The following XKR4 variants were observed in gnomAD, a reference collection of about 807,000 sequenced individuals.
The protein encoded by XKR4 is XK-related protein 4.
A neutral mutation model predicts 53.9 loss-of-function variants in XKR4; 12 were observed. The ratio of observed to expected loss-of-function variants is 0.22; its 90% CI spans 0.14 to 0.36. The LOEUF (loss-of-function observed/expected upper bound fraction) is 0.36. Ranked by LOEUF, XKR4 falls within the 10% of genes least tolerant of loss-of-function variation. The pLI, the probability that XKR4 is intolerant of heterozygous loss-of-function variation, is 1.00. For synonymous variants in XKR4, 354 were observed against 362.4 expected, an observed-to-expected ratio of 0.98 and a Z score of 0.26; for missense variants, 799 against 859.5, an observed-to-expected ratio of 0.93 and a Z score of 0.88.
At chr8:55,178,369 C>T (rs921215551) in intron 1 of XKR4, among the ~76,000 whole-genome samples, 1 of 152,074 alleles carries the variant, frequency 6.6e-6, no homozygotes, top group African/African-American at 2.4e-5. Flanking sequence ...AGACTCTCCC[C>T]GTCTGTAAAA....
chr8:55,272,897 G>A (rs753575418), intron 1 of XKR4: 6 of 454,198 alleles, frequency 1.3e-5, no homozygotes, highest in Non-Finnish European at 2.2e-5. Context: ...AATTATTCAT[G>A]TCTGGAGATA....
chr8:55,349,916 T>C (rs1032799351), intron 1 of XKR4, among the ~76,000 whole-genome samples: 1 of 152,228 alleles, frequency 6.6e-6, no homozygotes, highest in Non-Finnish European at 1.5e-5. Flanking sequence ...GCATTGTTTA[T>C]GAATTTCAAA....
At chr8:55,277,370 A>T (rs1818778677) in intron 1 of XKR4, among the ~76,000 whole-genome samples, 2 of 152,348 alleles carry the variant, frequency 1.3e-5, no homozygotes, top group South Asian at 4.1e-4. Flanking sequence ...ATACACATAC[A>T]AGTTGAGTAT....
Position 55,483,812 on chromosome 8 carries a change from G to A in XKR4, c.1007-39469G>A, listed in dbSNP as rs180766835. On this transcript the variant is annotated intron_variant, in intron 2 of 2. Transcript: ENST00000327381. Reference sequence around the variant, plus strand: ...ACAGCAAAATTAATGCAAAACAGGAGGGAGGAAAATAATAAAGGTAAGAGA... The same window carrying A: ...ACAGCAAAATTAATGCAAAACAGGAAGGAGGAAAATAATAAAGGTAAGAGA... Among the ~76,000 whole-genome samples, 404 of 151,582 alleles carry A rather than the reference G, an allele frequency of 2.7e-3. 2 individuals carry two copies. The highest frequency in any genetic ancestry group is 4.5e-3 in the Non-Finnish European group (307 of 67,856).
intron 1 of XKR4, among the ~76,000 whole-genome samples, chr8:55,120,841 G>A (rs565999302): frequency 2.6e-5 from 4 of 152,234 alleles, no homozygotes; most frequent in East Asian, 1.9e-4. Flanking sequence ...TTCATTGTCC[G>A]AAACCTTCCT....
chr8:55,153,204 C>T (rs6992437), intron 1 of XKR4, among the ~76,000 whole-genome samples: 50,144 of 151,990 alleles, frequency 0.33, 9,094 homozygotes, highest in African/African-American at 0.5. Flanking sequence ...TAAAATTGGA[C>T]GAGTTGTTTG....
intron 1 of XKR4, among the ~76,000 whole-genome samples, chr8:55,301,384 C>T (rs1819193837): frequency 6.6e-6 from 1 of 151,872 alleles, no homozygotes; most frequent in African/African-American, 2.4e-5. Context: ...TTTTCTTAAT[C>T]CAGTATATCG....
intron 2 of XKR4, among the ~76,000 whole-genome samples, chr8:55,514,948 T>G (rs191546481): frequency 6.6e-6 from 1 of 152,308 alleles, no homozygotes; most frequent in East Asian, 1.9e-4. Flanking sequence ...CTTGAGAAAT[T>G]TTAATAAAAA....
At chr8:55,111,723 C>T (rs1816234877) in intron 1 of XKR4, among the ~76,000 whole-genome samples, 1 of 152,114 alleles carries the variant, frequency 6.6e-6, no homozygotes, top group African/African-American at 2.4e-5. Flanking sequence ...ATCTAGATTT[C>T]ATGTGGTGAG....
intron 1 of XKR4, among the ~76,000 whole-genome samples, chr8:55,252,689 G>T (rs1215200636): frequency 6.6e-6 from 1 of 152,212 alleles, no homozygotes; most frequent in South Asian, 2.1e-4. Context: ...ATATGTAAAT[G>T]AGGACATGCA....
chr8:55,259,052 A>G (rs1818477527), intron 1 of XKR4, among the ~76,000 whole-genome samples: 1 of 152,234 alleles, frequency 6.6e-6, no homozygotes, highest in Non-Finnish European at 1.5e-5. Flanking sequence ...CCCTGCCTGC[A>G]GGGAAAATGC....
intron 1 of XKR4, chr8:55,142,261 G>A: frequency 2.2e-6 from 1 of 448,572 alleles, no homozygotes; most frequent in Non-Finnish European, 4.5e-6. Flanking sequence ...CCTCGTAGGA[G>A]AAGTTGCCAT....
At chr8:55,139,742 T>C (rs1443110717) in intron 1 of XKR4, among the ~76,000 whole-genome samples, 1 of 152,074 alleles carries the variant, frequency 6.6e-6, no homozygotes, top group Non-Finnish European at 1.5e-5. Flanking sequence ...AATTCCTCAT[T>C]TGCAAAATGG....
intron 2 of XKR4, among the ~76,000 whole-genome samples, chr8:55,384,027 T>C (rs1252341916): frequency 6.6e-6 from 1 of 152,232 alleles, no homozygotes; most frequent in Non-Finnish European, 1.5e-5. Flanking sequence ...AGTCTCCCTT[T>C]TGAGTTGTCC....
intron 1 of XKR4, among the ~76,000 whole-genome samples, chr8:55,128,023 T>C (rs1816497607): frequency 6.6e-6 from 1 of 152,170 alleles, no homozygotes; most frequent in African/African-American, 2.4e-5. Flanking sequence ...CTATTGTGAA[T>C]AGTCTCGCAA....
At chr8:55,343,250 T>A (rs1012522762) in intron 1 of XKR4, among the ~76,000 whole-genome samples, 11 of 152,138 alleles carry the variant, frequency 7.2e-5, no homozygotes, top group Non-Finnish European at 5.9e-5. Context: ...CTAAAAACAG[T>A]TGAGAGCAAA....
intron 1 of XKR4, among the ~76,000 whole-genome samples, chr8:55,151,674 T>C (rs1374494390): frequency 6.6e-6 from 1 of 152,192 alleles, no homozygotes; most frequent in Non-Finnish European, 1.5e-5. Flanking sequence ...AAATGTTAAA[T>C]TGCTGTATGC....
At chr8:55,312,907 G>A (rs1819408232) in intron 1 of XKR4, among the ~76,000 whole-genome samples, 1 of 152,166 alleles carries the variant, frequency 6.6e-6, no homozygotes, top group African/African-American at 2.4e-5. Flanking sequence ...GATCTTAGAT[G>A]TGGACTCTGT....
intron 2 of XKR4, chr8:55,450,360 G>T: frequency 1.5e-6 from 1 of 680,464 alleles, no homozygotes. Context: ...CGTTGCTGTA[G>T]GGCCGCAGGA....
Sources: gnomAD v4.1 joint callset for allele counts (sites outside exome capture counted in the v4.1 genomes callset) on GRCh38, gnomAD v4.1.1 for gene constraint, MANE v1.5 for transcripts, NCBI Gene and HGNC (gene_info 2026-07-23, HGNC 2026-07-21) for gene names.